PALM2AKAP2: variants seen among roughly 807,000 people sequenced by gnomAD.
PALM2AKAP2 encodes PALM2-AKAP2 fusion protein.
In PALM2AKAP2, 37 loss-of-function variants were observed where a neutral mutation model predicts 71.5. That is an observed-to-expected ratio of 0.52 (90% CI 0.40 to 0.68). The LOEUF (loss-of-function observed/expected upper bound fraction) is 0.68. Among genes scored for constraint, PALM2AKAP2 ranks in the 30% least tolerant of loss-of-function variants. The pLI is 0.00. For synonymous variants in PALM2AKAP2, 468 were observed against 478.8 expected (o/e 0.98, Z 0.29); for missense variants, 1,224 against 1,191.8 (o/e 1.03, Z -0.40).
intron 1 of PALM2AKAP2, among the ~76,000 whole-genome samples, chr9:109,840,095 C>T (rs569726937): frequency 6.5e-4 from 99 of 152,286 alleles, no homozygotes; most frequent in African/African-American, 2.2e-3. Flanking sequence ...GGAGGCATCA[C>T]GCTACCTGAC....
At chr9:110,117,069 A>G (rs1241467632) in intron 1 of PALM2AKAP2, among the ~76,000 whole-genome samples, 1 of 152,162 alleles carries the variant, frequency 6.6e-6, no homozygotes, top group East Asian at 1.9e-4. Context: ...TACAATACTA[A>G]TACATGCTCA....
intron 6 of PALM2AKAP2, among the ~76,000 whole-genome samples, chr9:110,002,678 G>A (rs1443971374): frequency 2.0e-5 from 3 of 152,082 alleles, no homozygotes; most frequent in Non-Finnish European, 4.4e-5. Context: ...TTTTTGGTTG[G>A]TGAGCTATTA....
intron 3 of PALM2AKAP2, among the ~76,000 whole-genome samples, chr9:110,158,627 C>T (rs1421400320): frequency 3.3e-5 from 5 of 152,160 alleles, no homozygotes; most frequent in South Asian, 4.2e-4. Flanking sequence ...TTGGAATCAG[C>T]GTTTTAATAT....
At chr9:109,937,010 A>G (rs1831234558) in intron 6 of PALM2AKAP2, among the ~76,000 whole-genome samples, 1 of 152,148 alleles carries the variant, frequency 6.6e-6, no homozygotes, top group South Asian at 2.1e-4. Context: ...AAATGTATTC[A>G]TGTCCATTGC....
chr9:110,144,028 G>A (rs1162877200), intron 2 of PALM2AKAP2, among the ~76,000 whole-genome samples: 2 of 152,196 alleles, frequency 1.3e-5, no homozygotes, highest in African/African-American at 4.8e-5. Context: ...TTCATTATCT[G>A]CAAATATCAC....
chr9:109,978,661 C>G (rs1305580589), intron 6 of PALM2AKAP2, among the ~76,000 whole-genome samples: 1 of 152,160 alleles, frequency 6.6e-6, no homozygotes, highest in East Asian at 1.9e-4. Context: ...AATGAAGAGT[C>G]CCCTCACTGT....
chr9:109,856,535 A>G (rs1475149195), intron 1 of PALM2AKAP2, among the ~76,000 whole-genome samples: 1 of 152,264 alleles, frequency 6.6e-6, no homozygotes. Flanking sequence ...ACTAATAGGA[A>G]TTGTTGCCTG....
intron 1 of PALM2AKAP2, among the ~76,000 whole-genome samples, chr9:109,718,278 C>T (rs1237636806): frequency 1.3e-5 from 2 of 152,002 alleles, no homozygotes; most frequent in Non-Finnish European, 2.9e-5. Flanking sequence ...TGGGGTTTTG[C>T]CATGTTTTCC....
chr9:110,046,791 A>C (rs889724056), upstream of PALM2AKAP2, among the ~76,000 whole-genome samples: 2 of 152,174 alleles, frequency 1.3e-5, no homozygotes, highest in Non-Finnish European at 2.9e-5. Context: ...TCTAATAATG[A>C]AACTAATTTT....
At chr9:109,822,239 C>T (rs931856054) in intron 1 of PALM2AKAP2, among the ~76,000 whole-genome samples, 1 of 151,940 alleles carries the variant, frequency 6.6e-6, no homozygotes, top group South Asian at 2.1e-4. Flanking sequence ...TTCTCTCTTT[C>T]ATCTCTCTTC....
At chr9:109,733,012 C>G (rs1828579427) in intron 1 of PALM2AKAP2, among the ~76,000 whole-genome samples, 1 of 151,884 alleles carries the variant, frequency 6.6e-6, no homozygotes, top group Admixed American at 6.6e-5. Context: ...TAGACAGGAC[C>G]CAGATAATAT....
intron 6 of PALM2AKAP2, among the ~76,000 whole-genome samples, chr9:109,990,440 T>C (rs1372288084): frequency 3.9e-5 from 6 of 152,168 alleles, no homozygotes; most frequent in Admixed American, 1.3e-4. Context: ...TCAGAACAGG[T>C]GTGGCACAGT....
intron 3 of PALM2AKAP2, among the ~76,000 whole-genome samples, chr9:109,881,584 G>A (rs1829852007): frequency 6.6e-6 from 1 of 152,182 alleles, no homozygotes. Flanking sequence ...TCAGAGAGTG[G>A]TTTCTTTATG....
intron 3 of PALM2AKAP2, among the ~76,000 whole-genome samples, chr9:109,917,178 G>A (rs182376585): frequency 1.2e-4 from 19 of 152,300 alleles, no homozygotes; most frequent in African/African-American, 1.7e-4. Flanking sequence ...ATGGAGGAAG[G>A]GACCCACAAG....
rs184395060 is a variant in PALM2AKAP2 at position 109,772,889 on chromosome 9, C to T, written c.6-7599C>T. Reference sequence around the variant, plus strand: ...ATCCCAGCACTTTGGGAGGCCGAAGCGGGCGGATCACGAGGTCAGGAGATG... The same window carrying T: ...ATCCCAGCACTTTGGGAGGCCGAAGTGGGCGGATCACGAGGTCAGGAGATG... On this transcript the variant is annotated intron_variant, in intron 1 of 6. Transcript: ENST00000374531. 8.0e-4 allele frequency among the ~76,000 whole-genome samples: 122 copies of T among 152,268 alleles called. 2 individuals are homozygous for T. In the East Asian group the frequency reaches 0.018, roughly 22 times the overall value.
intron 1 of PALM2AKAP2, among the ~76,000 whole-genome samples, chr9:109,790,645 T>C (rs1827090157): frequency 6.6e-6 from 1 of 152,174 alleles, no homozygotes; most frequent in Non-Finnish European, 1.5e-5. Flanking sequence ...GAAAGGTGCC[T>C]CTTGGCTGGG....
At chr9:109,935,906 T>A (rs578114761) in intron 6 of PALM2AKAP2, among the ~76,000 whole-genome samples, 65 of 152,330 alleles carry the variant, frequency 4.3e-4, no homozygotes, top group Non-Finnish European at 8.2e-4. Flanking sequence ...TCTGGCACTT[T>A]ACAGGCTGAA....
intron 1 of PALM2AKAP2, among the ~76,000 whole-genome samples, chr9:109,807,975 C>A (rs758384688): frequency 8.5e-5 from 13 of 152,214 alleles, no homozygotes; most frequent in Non-Finnish European, 1.5e-5. Context: ...GACATGTTTG[C>A]TTGCCCTTCT....
At chr9:109,777,095 C>G (rs904177412), upstream of PALM2AKAP2, among the ~76,000 whole-genome samples, 2 of 152,170 alleles carry the variant, frequency 1.3e-5, no homozygotes, top group Non-Finnish European at 1.5e-5. Context: ...TCTTTACAAA[C>G]GATTTCTATT....
Sources: allele counts gnomAD v4.1 joint callset (sites outside exome capture counted in the v4.1 genomes callset), GRCh38; gene constraint gnomAD v4.1.1; transcripts MANE v1.5; gene names NCBI Gene and HGNC (gene_info 2026-07-23, HGNC 2026-07-21).